TTC28: variants seen among roughly 807,000 people sequenced by gnomAD.
The protein encoded by TTC28 is tetratricopeptide repeat protein 28.
In TTC28, 61 loss-of-function variants were observed where a neutral mutation model predicts 198.0. The observed-to-expected ratio is 0.31, with a 90% CI of 0.25 to 0.38. The LOEUF (loss-of-function observed/expected upper bound fraction) is 0.38, where lower values mean the gene tolerates loss of function less well. TTC28 is among the 10% of genes least tolerant of loss of function. The pLI is 1.00. For synonymous variants in TTC28, 1,171 were observed against 1,297.8 expected (o/e 0.90, Z 2.10); for missense variants, 2,678 against 3,164.0 (o/e 0.85, Z 3.69).
chr22:28,648,140 C>T (rs1350348113), intron 1 of TTC28, among the ~76,000 whole-genome samples: 7 of 144,680 alleles, frequency 4.8e-5, no homozygotes, highest in African/African-American at 1.8e-4. Flanking sequence ...AGGAGAATGT[C>T]GTGAACCCAG....
At chr22:27,987,016 G>A (rs1286986537) in intron 21 of TTC28, among the ~76,000 whole-genome samples, 1 of 152,220 alleles carries the variant, frequency 6.6e-6, no homozygotes, top group Non-Finnish European at 1.5e-5. Context: ...ATGCTGGGTT[G>A]TGAAGGTGTG....
At chr22:28,602,413 C>T (rs1401145699) in intron 2 of TTC28, among the ~76,000 whole-genome samples, 1 of 152,150 alleles carries the variant, frequency 6.6e-6, no homozygotes, top group East Asian at 1.9e-4. Flanking sequence ...GAAAGCAGTA[C>T]TGTATCAATG....
chr22:28,235,004 C>T lies in TTC28; in HGVS notation c.933+61194G>A, dbSNP rs144299415. On this transcript the variant is annotated intron_variant, in intron 5 of 22. Coordinates refer to ENST00000397906, the MANE Select transcript of TTC28 (RefSeq NM_001145418.2). ...GGGGACTTTTTGATACGCAGAATTA[C>T]GAGGTTGAGTCATATAATATTAGAA... 2.3e-3 allele frequency among the ~76,000 whole-genome samples: 350 copies of T among 152,206 alleles called. 2 individuals are homozygous for T. Among genetic ancestry groups the T allele is most frequent in the Non-Finnish European group, 3.9e-3 (267 of 68,016 alleles).
chr22:28,351,902 TTCTG>T (rs926101917), intron 2 of TTC28, among the ~76,000 whole-genome samples: 18 of 152,276 alleles, frequency 1.2e-4, no homozygotes, highest in African/African-American at 3.1e-4. Flanking sequence ...TTTTCACTGA[TTCTG>T]TCTAAGAATA....
intron 13 of TTC28, among the ~76,000 whole-genome samples, chr22:28,029,628 A>G (rs1262333504): frequency 6.6e-6 from 1 of 152,224 alleles, no homozygotes; most frequent in Non-Finnish European, 1.5e-5. Flanking sequence ...GTCACTCCTA[A>G]GAAAAAGATG....
chr22:28,346,388 G>C (rs1160566040), intron 2 of TTC28, among the ~76,000 whole-genome samples: 3 of 152,200 alleles, frequency 2.0e-5, no homozygotes, highest in Non-Finnish European at 4.4e-5. Context: ...ACATGTACTG[G>C]CCAACAGCTC....
intron 2 of TTC28, among the ~76,000 whole-genome samples, chr22:28,592,074 T>A (rs1428320485): frequency 6.6e-6 from 1 of 151,924 alleles, no homozygotes; most frequent in East Asian, 1.9e-4. Context: ...AAGAGCAAGT[T>A]GGGCATGGAA....
intron 1 of TTC28, among the ~76,000 whole-genome samples, chr22:28,675,735 T>TCACACACACACACACACACA (rs71316854): frequency 4.4e-5 from 6 of 135,204 alleles, no homozygotes; most frequent in Non-Finnish European, 1.6e-5. Context: ...TGAAACCCTG[T>TCACACACACACACACACACA]CACACACACA....
At chr22:28,587,168 G>T (rs1056200014) in intron 2 of TTC28, among the ~76,000 whole-genome samples, 2 of 152,076 alleles carry the variant, frequency 1.3e-5, no homozygotes, top group Non-Finnish European at 2.9e-5. Flanking sequence ...ACCATCCTAG[G>T]CAACATGGTA....
At chr22:28,443,659 T>A (rs1198338990) in intron 2 of TTC28, among the ~76,000 whole-genome samples, 1 of 152,116 alleles carries the variant, frequency 6.6e-6, no homozygotes, top group Non-Finnish European at 1.5e-5. Context: ...TCTGCACTAA[T>A]GACTTCCTTC....
At chr22:28,018,029 C>T (rs1365013112) in intron 13 of TTC28, among the ~76,000 whole-genome samples, 2 of 152,204 alleles carry the variant, frequency 1.3e-5, no homozygotes, top group South Asian at 2.1e-4. Context: ...CCTCTGCCCC[C>T]CTAGATGCCA....
intron 2 of TTC28, among the ~76,000 whole-genome samples, chr22:28,481,061 C>A (rs112611098): frequency 1.3e-4 from 20 of 152,092 alleles, no homozygotes; most frequent in African/African-American, 4.8e-4. Context: ...TAACCCCATG[C>A]CTTAACTACT....
At position 28,448,202 on chromosome 22, in the gene TTC28, C is replaced by T. The variant is rs377611783; in HGVS notation, c.382-141559G>A. Among the ~76,000 whole-genome samples, 15 of 152,302 alleles carry T rather than the reference C, an allele frequency of 9.8e-5. No individual in the cohort carries two copies. The East Asian group carries it at 2.3e-3, about 24-fold the overall frequency. ...GTCTCCTTCATTTTTTAACATAGCA[C>T]TTTGCAGATCACTTCTCTAAATGCA... On this transcript the variant is annotated intron_variant, in intron 2 of 22. Transcript: ENST00000397906.
intron 5 of TTC28, among the ~76,000 whole-genome samples, chr22:28,167,229 A>T (rs1250709321): frequency 6.6e-6 from 1 of 152,238 alleles, no homozygotes; most frequent in Non-Finnish European, 1.5e-5. Flanking sequence ...TTCACAGCCA[A>T]ATTCTACCAG....
intron 5 of TTC28, among the ~76,000 whole-genome samples, chr22:28,289,502 A>G (rs771461352): frequency 5.9e-5 from 9 of 152,128 alleles, no homozygotes; most frequent in Non-Finnish European, 1.0e-4. Flanking sequence ...TGGAGAAGAT[A>G]CCACCTCCCC....
chr22:28,560,995 G>C (rs979388027), intron 2 of TTC28, among the ~76,000 whole-genome samples: 1 of 150,922 alleles, frequency 6.6e-6, no homozygotes, highest in Non-Finnish European at 1.5e-5. Flanking sequence ...GACCTCAAGT[G>C]ATCTGCCCAC....
intron 6 of TTC28, among the ~76,000 whole-genome samples, chr22:28,161,018 T>C (rs1362271321): frequency 6.6e-6 from 1 of 152,112 alleles, no homozygotes; most frequent in African/African-American, 2.4e-5. Flanking sequence ...ATGTCAAAAA[T>C]CTTCTAACTC....
At chr22:28,350,968 G>A (rs943998406) in intron 2 of TTC28, among the ~76,000 whole-genome samples, 29 of 152,008 alleles carry the variant, frequency 1.9e-4, no homozygotes, top group African/African-American at 6.5e-4. Flanking sequence ...GGATCACAAG[G>A]TCAGGAGATC....
intron 1 of TTC28, among the ~76,000 whole-genome samples, chr22:28,673,369 C>CA (rs550039166): frequency 3.7e-4 from 54 of 147,084 alleles, no homozygotes; most frequent in Non-Finnish European, 6.0e-4. Flanking sequence ...GACTCCGTCT[C>CA]AAAAAAAAAA....
Sources: allele counts gnomAD v4.1 joint callset (sites outside exome capture counted in the v4.1 genomes callset), GRCh38; gene constraint gnomAD v4.1.1; transcripts MANE v1.5; gene names NCBI Gene and HGNC (gene_info 2026-07-23, HGNC 2026-07-21).